TRMT44: variants seen among roughly 807,000 people sequenced by gnomAD.
The protein encoded by TRMT44 is probable tRNA (uracil-O(2)-)-methyltransferase.
A neutral mutation model predicts 77.3 loss-of-function variants in TRMT44; 78 were observed. The observed-to-expected ratio is 1.01, with a 90% CI of 0.84 to 1.22. The LOEUF is 1.22. Ranked by LOEUF, TRMT44 falls within the 50% of genes most tolerant of loss-of-function variation. The probability of loss-of-function intolerance (pLI) is 0.00; values close to 1 mark genes in which losing one functional copy is unlikely to be tolerated. For synonymous variants in TRMT44, 391 were observed against 383.3 expected (o/e 1.02, Z -0.23); for missense variants, 1,090 against 964.4 (o/e 1.13, Z -1.73).
Position 8,454,738 on chromosome 4 carries a change from T to TG in TRMT44, c.1132-4_1132-3insG, listed in dbSNP as rs1356465449. On this transcript the variant is annotated splice_polypyrimidine_tract_variant and splice_region_variant and intron_variant, in intron 5 of 10. Coordinates refer to ENST00000389737, the MANE Select transcript of TRMT44 (RefSeq NM_152544.3). ...CCTTTGATTTCTAAAATTAATTTTT[T>TG]CAGCATCCAGGCAGAGGGATTGATG... The TG allele has an allele frequency of 4.3e-6, 7 of 1,614,028 alleles. No individual in the cohort carries two copies. The highest frequency in any genetic ancestry group is 5.9e-6 in the Non-Finnish European group (7 of 1,179,962).
downstream of TRMT44, among the ~76,000 whole-genome samples, chr4:8,481,042 C>G (rs903943716): frequency 6.6e-6 from 1 of 152,144 alleles, no homozygotes; most frequent in African/African-American, 2.4e-5. Flanking sequence ...ACTCTAGCAC[C>G]TTTTGAAAGA....
At chr4:8,459,710 T>C (rs1726032007) in intron 6 of TRMT44, among the ~76,000 whole-genome samples, 1 of 152,092 alleles carries the variant, frequency 6.6e-6, no homozygotes, top group Admixed American at 6.5e-5. Context: ...ATGCATCCAA[T>C]GGGAGAAAAA....
chr4:8,463,187 TACC>T (rs1416986073), intron 6 of TRMT44, among the ~76,000 whole-genome samples: 76 of 152,336 alleles, frequency 5.0e-4, no homozygotes, highest in Non-Finnish European at 3.8e-4. Flanking sequence ...GGACTCATCC[TACC>T]ACTGGAAAAT....
intron 6 of TRMT44, among the ~76,000 whole-genome samples, chr4:8,462,002 A>C (rs1579063254): frequency 6.6e-6 from 1 of 152,246 alleles, no homozygotes. Flanking sequence ...AAAAAACTAA[A>C]AACAAAACAC....
chr4:8,452,422 G>C lies in TRMT44; in HGVS notation c.1023+394G>C, dbSNP rs944050156. ...CATGCCCTCTGATTTAATCATCTTGGTTTACTTATCTATAAGAATGTTTAG... is the reference window on the plus strand; with the variant it reads ...CATGCCCTCTGATTTAATCATCTTGCTTTACTTATCTATAAGAATGTTTAG... On this transcript the variant is annotated intron_variant, in intron 4 of 10. Coordinates refer to ENST00000389737, the MANE Select transcript of TRMT44 (RefSeq NM_152544.3). The surrounding 1 kb of genome is among the most constrained non-coding windows in gnomAD (Gnocchi z 5.7). Among the ~76,000 whole-genome samples the C allele has an allele frequency of 2.0e-5, 3 of 152,204 alleles. No homozygotes were observed. Among genetic ancestry groups the C allele is most frequent in the Non-Finnish European group, 4.4e-5 (3 of 68,040 alleles).
At chr4:8,485,572 G>A (rs538456788) in intron 2 of TRMT44, among the ~76,000 whole-genome samples, 6 of 152,094 alleles carry the variant, frequency 3.9e-5, no homozygotes, top group Non-Finnish European at 8.8e-5. Flanking sequence ...ATGGTAATGG[G>A]CATGTGATCG....
At position 8,444,497 on chromosome 4, in the gene TRMT44, G is replaced by A. The variant is rs113076131; in HGVS notation, c.620-1979G>A. The stretch of plus-strand genomic sequence containing the variant: ...ACTGCAACCTCCGCCTCCTGGGTTC[G>A]AGCGATTCTCCTAACTTAGCCTCCC... On this transcript the variant is annotated intron_variant, in intron 1 of 10. Coordinates refer to ENST00000389737, the MANE Select transcript of TRMT44 (RefSeq NM_152544.3). The surrounding 1 kb of genome is among the most constrained non-coding windows in gnomAD (Gnocchi z 4.0). Among the ~76,000 whole-genome samples, 3,790 of 151,452 alleles carry A rather than the reference G, an allele frequency of 0.025. 151 individuals carry two copies. The highest frequency in any genetic ancestry group is 0.086 in the African/African-American group (3,550 of 41,168).
chr4:8,500,626 C>T, the TRMT44 span, among the ~76,000 whole-genome samples: 21 of 151,886 alleles, frequency 1.4e-4, 1 homozygote, highest in Admixed American at 1.2e-3. Context: ...CCAGTCTTGC[C>T]ACCTTTCACA....
chr4:8,449,662 T>A lies in TRMT44; in HGVS notation c.735-7T>A, dbSNP rs1173720280. On this transcript the variant is annotated splice_polypyrimidine_tract_variant and splice_region_variant and intron_variant, in intron 2 of 10. Coordinates refer to ENST00000389737, the MANE Select transcript of TRMT44 (RefSeq NM_152544.3). ...TGTGCTTATTCATATTTCTCTTATTTTTAAAGGTTCATATCTGTTTTAATT... is the reference window on the plus strand; with the variant it reads ...TGTGCTTATTCATATTTCTCTTATTATTAAAGGTTCATATCTGTTTTAATT... 2.0e-6 allele frequency: 3 copies of A among 1,527,954 alleles called. No individual in the cohort carries two copies. The Admixed American group carries it at 5.9e-5, about 30-fold the overall frequency. 94.6% of individuals were successfully genotyped at this position (1,527,954 alleles called of 1,614,324 possible). A position where few individuals can be genotyped will look rare whatever the true frequency, so the allele number is the denominator to read the frequency against.
chr4:8,510,611 A>T, the TRMT44 span: 1 of 152,500 alleles, frequency 6.6e-6, no homozygotes, highest in Non-Finnish European at 1.5e-5. Context: ...AGGGGAAGAG[A>T]ACACCAGGAT....
At chr4:8,505,291 G>A in the TRMT44 span, among the ~76,000 whole-genome samples, 1 of 152,198 alleles carries the variant, frequency 6.6e-6, no homozygotes, top group Non-Finnish European at 1.5e-5. Flanking sequence ...CTGAGGAGGT[G>A]GCATCTCTGC....
In TRMT44 at chr4:8,444,145, G is replaced by T. The variant is rs184824775; in HGVS notation, c.620-2331G>T. 4.6e-5 allele frequency among the ~76,000 whole-genome samples: 7 copies of T among 152,222 alleles called. No individual in the cohort carries two copies. In the East Asian group the frequency reaches 7.7e-4, roughly 17 times the overall value. On this transcript the variant is annotated intron_variant, in intron 1 of 10. Transcript: ENST00000389737. This position sits in a 1 kb window ranked among gnomAD's most constrained non-coding sequence, Gnocchi z 4.0. ...TTTCTCATCTAGAACAGAGGTTTCAGTCGGGGCAGTTTTGATCCTCAGAAG... is the reference window on the plus strand; with the variant it reads ...TTTCTCATCTAGAACAGAGGTTTCATTCGGGGCAGTTTTGATCCTCAGAAG...
At chr4:8,477,459 G>A (rs959842954), downstream of TRMT44, 4 of 152,306 alleles carry the variant, frequency 2.6e-5, no homozygotes, top group African/African-American at 9.6e-5. Context: ...AGCAGCTGCA[G>A]CTCTGACTAG....
intron 6 of TRMT44, among the ~76,000 whole-genome samples, chr4:8,456,523 C>T (rs1407017464): frequency 6.0e-5 from 9 of 149,416 alleles, no homozygotes; most frequent in East Asian, 2.0e-4. Context: ...TAAATGAATC[C>T]AGTGTAAGAA....
intron 2 of TRMT44, 125 bp from the exon 3 acceptor site, chr4:8,449,544 C>A: frequency 1.4e-6 from 1 of 700,450 alleles, no homozygotes; most frequent in Non-Finnish European, 2.3e-6. Context: ...AGTTCTAGTT[C>A]GTTTTATGTT....
At chr4:8,515,031 T>A in the TRMT44 span, among the ~76,000 whole-genome samples, 6 of 152,296 alleles carry the variant, frequency 3.9e-5, no homozygotes, top group African/African-American at 1.4e-4. Flanking sequence ...AGTGGCATGA[T>A]CTCAGCTCAC....
rs1321115964 is a variant in TRMT44, at chr4:8,440,858, A to C, written c.36A>C (p.Pro12=). Residue 12 remains proline (P), a synonymous_variant, in exon 1 of 11, where the codon CCA becomes CCC. Coordinates refer to ENST00000389737, the MANE Select transcript of TRMT44 (RefSeq NM_152544.3). The stretch of plus-strand genomic sequence containing the variant: ...TGGGCCGTACCGGGATCAGCTACCC[A>C]GGCGCGCTTCTCCCACAGGGCTTCT... ...AEVGRTGISY[P]GALLPQGFWA... The C allele has an allele frequency of 1.3e-6, 2 of 1,517,344 alleles. No homozygotes were observed. The highest frequency in any genetic ancestry group is 2.0e-5 in the Admixed American group (1 of 49,488). 94.0% of individuals were successfully genotyped at this position (1,517,344 alleles called of 1,614,324 possible).
At chr4:8,460,833 G>A (rs1726106849) in intron 6 of TRMT44, among the ~76,000 whole-genome samples, 2 of 151,736 alleles carry the variant, frequency 1.3e-5, no homozygotes, top group South Asian at 4.2e-4. Context: ...TTATAGGCAT[G>A]AGCCACCACA....
intron 9 of TRMT44, 24 bp from the exon 10 acceptor site, chr4:8,471,060 A>G (rs1368464715): frequency 1.3e-6 from 2 of 1,548,018 alleles, no homozygotes; most frequent in Non-Finnish European, 1.7e-6. Flanking sequence ...GTTTTGGGGA[A>G]AAAAAAAACC....
Sources: allele counts gnomAD v4.1 joint callset (sites outside exome capture counted in the v4.1 genomes callset), GRCh38; gene constraint gnomAD v4.1.1; non-coding constraint Gnocchi (gnomAD v3.1); transcripts MANE v1.5; gene names NCBI Gene and HGNC (gene_info 2026-07-23, HGNC 2026-07-21).